The following KIFAP3 variants were observed in gnomAD, a reference collection of about 807,000 sequenced individuals.
KIFAP3 encodes kinesin-associated protein 3.
KIFAP3 carries 68 observed loss-of-function variants against 106.5 expected under a neutral mutation model. That is an observed-to-expected ratio of 0.64 (90% CI 0.53 to 0.78). KIFAP3 has a LOEUF of 0.78. Among genes scored for constraint, KIFAP3 ranks in the 30% least tolerant of loss-of-function variants. KIFAP3 has a pLI of 0.00. For missense variants in KIFAP3, 780 were observed against 941.8 expected, an observed-to-expected ratio of 0.83 and a Z score of 2.25; for synonymous variants, 320 against 311.5, an observed-to-expected ratio of 1.03 and a Z score of -0.29.
At chr1:169,963,960 T>C (rs979254364) in intron 17 of KIFAP3, among the ~76,000 whole-genome samples, 1 of 152,194 alleles carries the variant, frequency 6.6e-6, no homozygotes, top group East Asian at 1.9e-4. Flanking sequence ...ATTGAAGATA[T>C]TAAATTATTT....
At chr1:169,993,537 G>T (rs889599821) in intron 10 of KIFAP3, among the ~76,000 whole-genome samples, 1 of 150,750 alleles carries the variant, frequency 6.6e-6, no homozygotes, top group Non-Finnish European at 1.5e-5. Context: ...ATCAAAGATA[G>T]AAATTACTAG....
At chr1:170,015,504 T>C (rs541794770) in intron 10 of KIFAP3, among the ~76,000 whole-genome samples, 1 of 152,262 alleles carries the variant, frequency 6.6e-6, no homozygotes, top group Admixed American at 6.5e-5. Context: ...TTGTGCAGTA[T>C]TGAATATATG....
intron 2 of KIFAP3, among the ~76,000 whole-genome samples, chr1:170,054,802 C>T (rs1191087170): frequency 1.3e-5 from 2 of 151,912 alleles, no homozygotes; most frequent in African/African-American, 4.8e-5. Context: ...CACATCAGGG[C>T]CTGTCAGGGG....
At chr1:169,996,042 A>C (rs1400981526) in intron 10 of KIFAP3, among the ~76,000 whole-genome samples, 3 of 152,072 alleles carry the variant, frequency 2.0e-5, no homozygotes, top group Non-Finnish European at 4.4e-5. Flanking sequence ...TATAGATAAG[A>C]AGCAGTTCTC....
At chr1:169,991,174 T>TATAAAAA (rs1229148407) in intron 11 of KIFAP3, among the ~76,000 whole-genome samples, 6 of 151,768 alleles carry the variant, frequency 4.0e-5, no homozygotes, top group Admixed American at 3.3e-4. Flanking sequence ...ACCCTGTCTG[T>TATAAAAA]ATAAAAAATA....
At chr1:169,994,701 T>G (rs563300550) in intron 10 of KIFAP3, among the ~76,000 whole-genome samples, 1 of 152,094 alleles carries the variant, frequency 6.6e-6, no homozygotes, top group East Asian at 1.9e-4. Context: ...AAATAATATT[T>G]ATTTATTTCA....
chr1:170,076,797 A>G (rs1671927797), upstream of KIFAP3, among the ~76,000 whole-genome samples: 1 of 152,244 alleles, frequency 6.6e-6, no homozygotes, highest in Non-Finnish European at 1.5e-5. Context: ...ATTTACTTTA[A>G]AATAATTTAA....
intron 2 of KIFAP3, among the ~76,000 whole-genome samples, chr1:170,049,935 C>T (rs191194357): frequency 6.6e-6 from 1 of 152,232 alleles, no homozygotes; most frequent in East Asian, 1.9e-4. Context: ...TACCTCTTCT[C>T]CTCCAAATGA....
chr1:170,084,151 C>T (rs1672065283), intron 1 of KIFAP3, among the ~76,000 whole-genome samples: 1 of 152,184 alleles, frequency 6.6e-6, no homozygotes. Context: ...ATATAGGAGT[C>T]AGTCTGGGTT....
At chr1:170,047,942 T>C (rs1018417585) in intron 2 of KIFAP3, among the ~76,000 whole-genome samples, 5 of 152,182 alleles carry the variant, frequency 3.3e-5, no homozygotes, top group African/African-American at 9.6e-5. Context: ...CAAGGTTCTT[T>C]TGAAAAAGAG....
At chr1:170,058,678 C>T (rs1017379453) in intron 1 of KIFAP3, among the ~76,000 whole-genome samples, 3 of 152,002 alleles carry the variant, frequency 2.0e-5, no homozygotes, top group African/African-American at 7.2e-5. Flanking sequence ...CTAATGATAC[C>T]TCCATAACAT....
intron 1 of KIFAP3, among the ~76,000 whole-genome samples, chr1:170,070,481 G>A (rs1416680188): frequency 6.6e-6 from 1 of 152,024 alleles, no homozygotes; most frequent in Admixed American, 6.6e-5. Context: ...GAGAGTGCAG[G>A]AATAAACCCC....
In KIFAP3 at chr1:169,968,241, T is replaced by G. The variant is rs561990881; in HGVS notation, c.1983+4272A>C. Among the ~76,000 whole-genome samples, 3 of 152,050 alleles carry G rather than the reference T, an allele frequency of 2.0e-5. No homozygotes were observed. In the South Asian group the frequency reaches 6.2e-4, roughly 31 times the overall value. ...TTTACATGGAATGTGCCATCCTTTT[T>G]GAAGTCCTACATCATTTTGTTTACT... On this transcript the variant is annotated intron_variant, in intron 17 of 19. Coordinates refer to ENST00000361580, the MANE Select transcript of KIFAP3 (RefSeq NM_014970.4).
At position 169,921,612 on chromosome 1, in the gene KIFAP3, A is replaced by C. The variant is rs1261162676; in HGVS notation, c.*64T>G. The C allele has an allele frequency of 7.5e-7, 1 of 1,339,576 alleles. No homozygotes were observed. The highest frequency in any genetic ancestry group is 1.1e-6 in the Non-Finnish European group (1 of 941,302). The allele number at this position is 1,339,576 out of a possible 1,614,324, so 83.0% of individuals were successfully genotyped here. On this transcript the variant is annotated 3_prime_UTR_variant, in exon 20 of 20. Transcript: ENST00000361580. ...AACATGCATTATTAGGCAAAGATCC[A>C]AAATTAACCCAACCCACACAGATTT...
chr1:170,003,658 C>T (rs1667782904), intron 10 of KIFAP3, among the ~76,000 whole-genome samples: 1 of 152,220 alleles, frequency 6.6e-6, no homozygotes, highest in Non-Finnish European at 1.5e-5. Context: ...GGCAGGCAGG[C>T]TTCCTTCAGC....
intron 1 of KIFAP3, among the ~76,000 whole-genome samples, chr1:170,064,069 A>T (rs373488768): frequency 9.5e-4 from 144 of 152,268 alleles, no homozygotes; most frequent in African/African-American, 3.1e-3. Context: ...ATCAAAATTC[A>T]ATTTGGGAGT....
intron 1 of KIFAP3, among the ~76,000 whole-genome samples, chr1:170,065,530 C>T (rs988364315): frequency 7.9e-5 from 11 of 140,104 alleles, no homozygotes; most frequent in Non-Finnish European, 1.2e-4. Flanking sequence ...AGGAGAATGG[C>T]GTGAACCCGG....
chr1:169,969,473 A>G (rs1056976661), intron 17 of KIFAP3, among the ~76,000 whole-genome samples: 12 of 151,966 alleles, frequency 7.9e-5, no homozygotes, highest in Admixed American at 6.6e-5. Context: ...ATTAAGTACA[A>G]TTTTGTCTGT....
intron 19 of KIFAP3, among the ~76,000 whole-genome samples, chr1:169,923,945 C>G (rs1292530663): frequency 6.6e-6 from 1 of 151,980 alleles, no homozygotes; most frequent in Non-Finnish European, 1.5e-5. Context: ...ATTTAACATT[C>G]TCAGAGTCTG....
Sources: gnomAD v4.1 joint callset for allele counts (sites outside exome capture counted in the v4.1 genomes callset) on GRCh38, gnomAD v4.1.1 for gene constraint, MANE v1.5 for transcripts, NCBI Gene and HGNC (gene_info 2026-07-23, HGNC 2026-07-21) for gene names.